The following BCL11B variants were observed in gnomAD, a reference collection of about 807,000 sequenced individuals.
The protein encoded by BCL11B is B-cell lymphoma/leukemia 11B.
A neutral mutation model predicts 49.9 loss-of-function variants in BCL11B; 8 were observed. The observed-to-expected ratio is 0.16, with a 90% confidence interval of 0.09 to 0.29. The LOEUF (loss-of-function observed/expected upper bound fraction) is 0.29, where lower values mean the gene tolerates loss of function less well. Ranked by LOEUF, BCL11B falls within the 10% of genes least tolerant of loss-of-function variation. The pLI is 1.00. For missense variants in BCL11B, 1,006 were observed against 1,351.0 expected, an observed-to-expected ratio of 0.74 and a Z score of 4.00; for synonymous variants, 739 against 637.4, an observed-to-expected ratio of 1.16 and a Z score of -2.40.
chr14:99,224,725 T>C (rs1478289094), intron 3 of BCL11B, among the ~76,000 whole-genome samples: 1 of 152,168 alleles, frequency 6.6e-6, no homozygotes, highest in Non-Finnish European at 1.5e-5. Flanking sequence ...AGTACTTCAG[T>C]GTCCCCATTT....
At chr14:99,253,873 G>A (rs946553156) in intron 2 of BCL11B, among the ~76,000 whole-genome samples, 4 of 152,222 alleles carry the variant, frequency 2.6e-5, no homozygotes, top group Non-Finnish European at 5.9e-5. Flanking sequence ...TATAGGCAGC[G>A]ATGTATCAGA....
chr14:99,209,283 G>C (rs976361139), intron 3 of BCL11B, among the ~76,000 whole-genome samples: 1 of 152,034 alleles, frequency 6.6e-6, no homozygotes, highest in Non-Finnish European at 1.5e-5. Flanking sequence ...CTCTCACTCG[G>C]CTCATAATCC....
intron 1 of BCL11B, among the ~76,000 whole-genome samples, chr14:99,265,494 C>A (rs530819747): frequency 6.6e-6 from 1 of 152,208 alleles, no homozygotes; most frequent in South Asian, 2.1e-4. Flanking sequence ...TTTTTTCCTG[C>A]ATTGTCTTAT....
At chr14:99,198,541 GGA>G (rs1887245289) in intron 3 of BCL11B, among the ~76,000 whole-genome samples, 1 of 152,120 alleles carries the variant, frequency 6.6e-6, no homozygotes, top group Non-Finnish European at 1.5e-5. Flanking sequence ...ATGATTATAG[GGA>G]CGCTGCAGGT....
chr14:99,213,020 G>A lies in BCL11B; in HGVS notation c.640+18325C>T, dbSNP rs1175141686. 1.3e-5 allele frequency among the ~76,000 whole-genome samples: 2 copies of A among 152,238 alleles called. No individual in the cohort carries two copies. The highest frequency in any genetic ancestry group is 4.8e-5 in the African/African-American group (2 of 41,458). On this transcript the variant is annotated intron_variant, in intron 3 of 3. Coordinates refer to ENST00000357195, the MANE Select transcript of BCL11B (RefSeq NM_138576.4). This position sits in a 1 kb window ranked among gnomAD's most constrained non-coding sequence, Gnocchi z 5.1. Reference sequence around the variant, plus strand: ...TCACTGAGGGAACAAAACCAAGCCTGTCTCCACCTTCACCTGAGCAGGATG... The same window carrying A: ...TCACTGAGGGAACAAAACCAAGCCTATCTCCACCTTCACCTGAGCAGGATG...
Position 99,271,169 on chromosome 14 carries a change from A to G in BCL11B, c.50T>C (p.Leu17Pro). The stretch of plus-strand genomic sequence containing the variant: ...ACTCCGCAGACACTTACGGGTGATG[A>G]GCTCCCTCTGGGACAAGTGCTGCGG... ...GNPQHLSQRE[L>P]ITPEADHVEA... The change falls in exon 1 of 4, where the codon CTC (leucine) becomes CCC (proline). Residue 17 changes from leucine (L) to proline (P), a missense_variant. By Grantham distance (98) the Leu-to-Pro change is moderately conservative. Around this residue, in one of 6 missense-constraint regions of BCL11B, gnomAD observed 411 missense variants for 542.2 expected, o/e 0.76. Transcript: ENST00000357195. 1 of 1,554,710 alleles carries G rather than the reference A, an allele frequency of 6.4e-7. No homozygotes were observed. The highest frequency in any genetic ancestry group is 1.9e-5 in the Admixed American group (1 of 53,524).
At chr14:99,229,838 C>G (rs918501690) in intron 3 of BCL11B, among the ~76,000 whole-genome samples, 2 of 152,100 alleles carry the variant, frequency 1.3e-5, no homozygotes, top group African/African-American at 4.8e-5. Flanking sequence ...AGCAAGGCAA[C>G]CACCCAGACA....
At position 99,245,248 on chromosome 14, in the gene BCL11B, T is replaced by C. The variant is rs1888791163; in HGVS notation, c.427+12223A>G. On this transcript the variant is annotated intron_variant, in intron 2 of 3. Transcript: ENST00000357195. Reference sequence around the variant, plus strand: ...AAGGTGACGATTTGCATACAAATTCTTGTTGGAAGAGGTTATCCTAAGAGA... The same window carrying C: ...AAGGTGACGATTTGCATACAAATTCCTGTTGGAAGAGGTTATCCTAAGAGA... 3.3e-5 allele frequency among the ~76,000 whole-genome samples: 5 copies of C among 152,230 alleles called. No individual in the cohort carries two copies. In the South Asian group the frequency reaches 8.3e-4, roughly 25 times the overall value.
rs1483610569 is a variant in BCL11B, at chr14:99,170,531, G to A, written c.*3620C>T. The A allele has an allele frequency of 2.6e-5, 6 of 230,058 alleles. No homozygotes were observed. Among genetic ancestry groups the A allele is most frequent in the Non-Finnish European group, 4.3e-5 (5 of 116,156 alleles). 14.3% of individuals were successfully genotyped at this position (230,058 alleles called of 1,614,324 possible). ...AAATAAAAATAAAATAGAGGATTAG[G>A]GGAGGAACAGACAGGAAGAAAAGAA... On this transcript the variant is annotated 3_prime_UTR_variant, in exon 4 of 4. Coordinates refer to ENST00000357195, the MANE Select transcript of BCL11B (RefSeq NM_138576.4).
At position 99,174,907 on chromosome 14, in the gene BCL11B, C is replaced by T; in HGVS notation, c.1929G>A (p.Gly643=). 1 of 1,107,384 alleles carries T rather than the reference C, an allele frequency of 9.0e-7. No homozygotes were observed. Among genetic ancestry groups the T allele is most frequent in the Non-Finnish European group, 1.1e-6 (1 of 906,482 alleles). 68.6% of individuals were successfully genotyped at this position (1,107,384 alleles called of 1,614,324 possible). A position where few individuals can be genotyped will look rare whatever the true frequency, so the allele number is the denominator to read the frequency against. ...AGDDDDAGGC[G]DAGAGGAVNG... is the part of the protein sequence containing the mutation. ...TGACCGCGCCGCCCGCGCCCGCGTC[C>T]CCGCAGCCGCCCGCGTCGTCGTCGT... Residue 643 remains glycine, a synonymous_variant, in exon 4 of 4, where the codon GGG becomes GGA. Coordinates refer to ENST00000357195, the MANE Select transcript of BCL11B (RefSeq NM_138576.4).
chr14:99,176,545 G>A (rs934672318), intron 3 of BCL11B, among the ~76,000 whole-genome samples: 1 of 152,240 alleles, frequency 6.6e-6, no homozygotes, highest in Non-Finnish European at 1.5e-5. Flanking sequence ...CCAGTAGTAG[G>A]AATTCTGTCA....
rs1197036984 is a variant in BCL11B at position 99,204,009 on chromosome 14, C to T, written c.640+27336G>A. ...CCCCAGGCCCTTGCAGATGGAAGGACTTCCTCCTCATGGTCTTCCAGCCAC... is the reference window on the plus strand; with the variant it reads ...CCCCAGGCCCTTGCAGATGGAAGGATTTCCTCCTCATGGTCTTCCAGCCAC... On this transcript the variant is annotated intron_variant, in intron 3 of 3. Transcript: ENST00000357195. Among the ~76,000 whole-genome samples the T allele has an allele frequency of 2.6e-5, 4 of 152,188 alleles. No homozygotes were observed. In the East Asian group the frequency reaches 7.7e-4, roughly 29 times the overall value.
chr14:99,227,725 T>C (rs1173232285), intron 3 of BCL11B, among the ~76,000 whole-genome samples: 1 of 152,166 alleles, frequency 6.6e-6, no homozygotes, highest in East Asian at 1.9e-4. Context: ...ACTGAGGCAA[T>C]GACTTCTTTA....
chr14:99,175,036 C>T lies in BCL11B; in HGVS notation c.1800G>A (p.Glu600=). The T allele has an allele frequency of 1.9e-6, 3 of 1,597,498 alleles. No individual in the cohort carries two copies. Among genetic ancestry groups the T allele is most frequent in the Non-Finnish European group, 1.7e-6 (2 of 1,176,962 alleles). Reference sequence around the variant, plus strand: ...GCGGCAGTGCGCCTAGGCCCACGTTCTCCATGACCTTGCCCAGCACCAGCG... The same window carrying T: ...GCGGCAGTGCGCCTAGGCCCACGTTTTCCATGACCTTGCCCAGCACCAGCG... ...EKALVLGKVM[E]NVGLGALPQY... is the part of the protein sequence containing the mutation. The change falls in exon 4 of 4, where the codon GAG becomes GAA. Residue 600 remains glutamate (E), a synonymous_variant. Coordinates refer to ENST00000357195, the MANE Select transcript of BCL11B (RefSeq NM_138576.4).
At chr14:99,234,939 G>A (rs2664311) in intron 2 of BCL11B, among the ~76,000 whole-genome samples, 1 of 149,230 alleles carries the variant, frequency 6.7e-6, no homozygotes, top group African/African-American at 2.5e-5. Context: ...GGCAATGCTA[G>A]ATAAGCTCAT....
At chr14:99,270,481 G>T in intron 1 of BCL11B, among the ~76,000 whole-genome samples, 1 of 151,792 alleles carries the variant, frequency 6.6e-6, no homozygotes, top group Non-Finnish European at 1.5e-5. Flanking sequence ...GTGGGGAAGT[G>T]GGGGGTGGGG....
At chr14:99,218,167 G>A (rs1484726676) in intron 3 of BCL11B, among the ~76,000 whole-genome samples, 1 of 143,498 alleles carries the variant, frequency 7.0e-6, no homozygotes, top group Non-Finnish European at 1.5e-5. Context: ...CCAGGTTCAC[G>A]CCATTCTCCT....
At chr14:99,215,848 A>T (rs181254740) in intron 3 of BCL11B, among the ~76,000 whole-genome samples, 1 of 152,338 alleles carries the variant, frequency 6.6e-6, no homozygotes, top group East Asian at 1.9e-4. Context: ...TATCTCAATT[A>T]GAGGAGAAAG....
intron 3 of BCL11B, among the ~76,000 whole-genome samples, chr14:99,199,038 AC>A (rs1857968976): frequency 1.3e-5 from 2 of 152,318 alleles, no homozygotes; most frequent in African/African-American, 4.8e-5. Flanking sequence ...TTTTAAAAAA[AC>A]AAACAGAAAG....
Sources: gnomAD v4.1 joint callset for allele counts (sites outside exome capture counted in the v4.1 genomes callset) on GRCh38, gnomAD v4.1.1 for gene constraint, gnomAD v4.1.1 regional missense constraint, Gnocchi (gnomAD v3.1) non-coding constraint, MANE v1.5 for transcripts, NCBI Gene and HGNC (gene_info 2026-07-23, HGNC 2026-07-21) for gene names.